The following NPHS1 variants were observed in gnomAD, a reference collection of about 807,000 sequenced individuals.
The protein encoded by NPHS1 is nephrin.
Under a neutral mutation model 139.7 loss-of-function variants are expected in NPHS1, and 107 were observed. The ratio of observed to expected loss-of-function variants is 0.77; its 90% CI spans 0.66 to 0.90. The LOEUF (loss-of-function observed/expected upper bound fraction) is 0.90, where lower values mean the gene tolerates loss of function less well. Among genes scored for constraint, NPHS1 ranks in the 40% least tolerant of loss-of-function variants. The pLI is 0.00. For synonymous variants in NPHS1, 707 were observed against 706.6 expected (o/e 1.00, Z -0.01); for missense variants, 1,580 against 1,654.2 (o/e 0.96, Z 0.78).
rs946483141 is a variant in NPHS1, at chr19:35,825,802, A to G, written c.*712T>C. 3.9e-5 allele frequency among the ~76,000 whole-genome samples: 6 copies of G among 152,232 alleles called. No individual in the cohort carries two copies. The highest frequency in any genetic ancestry group is 5.9e-5 in the Non-Finnish European group (4 of 68,042). ...AATAGGTAGGATGCAACATGGATTC[A>G]TAAATTCCACTTATTATTAGCTATT... On this transcript the variant is annotated 3_prime_UTR_variant, in exon 29 of 29. Transcript: ENST00000378910.
In NPHS1 at chr19:35,839,482, C is replaced by G. The variant is rs371670899; in HGVS notation, c.2927+14G>C. ...TAGCCCATTCCCTTCCCTCCTGCCT[C>G]GACAAGGACCCACCTGATGCAGAAC... On this transcript the variant is annotated intron_variant, in intron 21 of 28. Transcript: ENST00000378910. 1 of 1,613,784 alleles carries G rather than the reference C, an allele frequency of 6.2e-7. No homozygotes were observed. Among genetic ancestry groups the G allele is most frequent in the Non-Finnish European group, 8.5e-7 (1 of 1,179,706 alleles).
intron 24 of NPHS1, 67 bp from the exon 25 acceptor site, chr19:35,831,567 C>T (rs4805141): frequency 0.012 from 18,668 of 1,610,850 alleles, 143 homozygotes; most frequent in Non-Finnish European, 0.013. Flanking sequence ...CCCAGGAAGA[C>T]CTTCAGTATG....
intron 17 of NPHS1, among the ~76,000 whole-genome samples, chr19:35,843,258 C>T (rs1179065627): frequency 6.6e-6 from 1 of 152,216 alleles, no homozygotes; most frequent in Non-Finnish European, 1.5e-5. Flanking sequence ...TTTGACCTAT[C>T]TATCCATCTA....
Position 35,842,419 on chromosome 19 carries a change from C to A in NPHS1, c.2466G>T (p.Val822=). The A allele has an allele frequency of 6.2e-7, 1 of 1,614,162 alleles. No homozygotes were observed. Among genetic ancestry groups the A allele is most frequent in the East Asian group, 2.2e-5 (1 of 44,888 alleles). The change falls in exon 18 of 29, where the codon GTG becomes GTT. Residue 822 remains valine, a synonymous_variant. Transcript: ENST00000378910. ...GGAGCAGCCGTCGTGCTGGAGGCGC[C>A]ACCCCATTGTCCACAATGCACTGGT... ...GAYQCIVDNG[V]APPARRLLRL... is the part of the protein sequence containing the mutation.
In NPHS1 at chr19:35,837,690, C is replaced by T. The variant is rs536859214; in HGVS notation, c.3109+1547G>A. ...CCATCTCTGCTCACTGCAACCTCTG[C>T]CTCCCAGGTTCAAGTGATTCTCTTG... On this transcript the variant is annotated intron_variant, in intron 22 of 28. Transcript: ENST00000378910. Among the ~76,000 whole-genome samples, 9 of 152,070 alleles carry T rather than the reference C, an allele frequency of 5.9e-5. No homozygotes were observed. In the South Asian group the frequency reaches 8.3e-4, roughly 14 times the overall value.
chr19:35,850,260 G>T, intron 5 of NPHS1, 104 bp downstream of exon 5: 1 of 883,850 alleles, frequency 1.1e-6, no homozygotes, highest in Non-Finnish European at 1.9e-6. Context: ...TTGGGTCCCA[G>T]ATGTTCATAC....
At chr19:35,838,808 T>C (rs925510386) in intron 22 of NPHS1, among the ~76,000 whole-genome samples, 2 of 149,220 alleles carry the variant, frequency 1.3e-5, no homozygotes, top group African/African-American at 5.0e-5. Context: ...GATCACACCA[T>C]TGCACTCCAG....
intron 20 of NPHS1, 22 bp downstream of exon 20, chr19:35,841,693 C>A (rs1323317198): frequency 1.2e-6 from 2 of 1,614,064 alleles, no homozygotes; most frequent in African/African-American, 1.3e-5. Context: ...CCCTCCCCAA[C>A]ACCCTCACAG....
At position 35,826,428 on chromosome 19, in the gene NPHS1, C is replaced by G; in HGVS notation, c.*86G>C. ...TCCCTTTGGGTTTTATGGAGCTCACCTAACCAGCTCGGCCCAGGCTGTAAT... is the reference window on the plus strand; with the variant it reads ...TCCCTTTGGGTTTTATGGAGCTCACGTAACCAGCTCGGCCCAGGCTGTAAT... On this transcript the variant is annotated 3_prime_UTR_variant, in exon 29 of 29. Coordinates refer to ENST00000378910, the MANE Select transcript of NPHS1 (RefSeq NM_004646.4). 1.3e-6 allele frequency: 2 copies of G among 1,555,608 alleles called. No individual in the cohort carries two copies.
chr19:35,841,455 A>G (rs1973054548), intron 20 of NPHS1, among the ~76,000 whole-genome samples: 1 of 152,110 alleles, frequency 6.6e-6, no homozygotes. Flanking sequence ...AAACCCCTGA[A>G]AATCTATTTT....
At chr19:35,846,338 C>T (rs970814457) in intron 11 of NPHS1, 144 bp from the exon 12 acceptor site, 3 of 826,218 alleles carry the variant, frequency 3.6e-6, no homozygotes, top group East Asian at 5.4e-5. Flanking sequence ...ATCAGCACCA[C>T]CCCCCTAGGG....
Position 35,852,064 on chromosome 19 carries a change from A to G in NPHS1, c.-227T>C, listed in dbSNP as rs933564398. Among the ~76,000 whole-genome samples the G allele has an allele frequency of 6.6e-6, 1 of 150,630 alleles. No homozygotes were observed. The highest frequency in any genetic ancestry group is 1.5e-5 in the Non-Finnish European group (1 of 67,694). ...CTGAGTCTCTTTCTCTGTCTCTTTAAAAAAACTTTTTTTTCTTTTTTCTTT... is the reference window on the plus strand; with the variant it reads ...CTGAGTCTCTTTCTCTGTCTCTTTAGAAAAACTTTTTTTTCTTTTTTCTTT... On this transcript the variant is annotated 5_prime_UTR_variant, in exon 1 of 29. Coordinates refer to ENST00000378910, the MANE Select transcript of NPHS1 (RefSeq NM_004646.4).
At chr19:35,838,313 G>C (rs902043582) in intron 22 of NPHS1, among the ~76,000 whole-genome samples, 5 of 152,084 alleles carry the variant, frequency 3.3e-5, no homozygotes, top group African/African-American at 4.8e-5. Flanking sequence ...AGCATTTTGG[G>C]AGGCCAAGGC....
rs386833902 is a variant in NPHS1, at chr19:35,844,189, A to C, written c.2126T>G (p.Val709Gly). Reference sequence around the variant, plus strand: ...ATAGAGGCCGTCGTCCGCGCGGGTCACATTCCACAGATGCAGAGCCCCGCT... The same window carrying C: ...ATAGAGGCCGTCGTCCGCGCGGGTCCCATTCCACAGATGCAGAGCCCCGCT... ...LSSGALHLWN[V>G]TRADDGLYQL... Residue 709 changes from valine to glycine, a missense_variant, in exon 16 of 29, where the codon GTG becomes GGG. By Grantham distance (109) the Val-to-Gly change is moderately radical. Transcript: ENST00000378910. 9.3e-6 allele frequency: 15 copies of C among 1,612,164 alleles called. No individual in the cohort carries two copies. The highest frequency in any genetic ancestry group is 1.2e-5 in the Non-Finnish European group (14 of 1,179,986).
intron 20 of NPHS1, 33 bp downstream of exon 20, chr19:35,841,682 C>A (rs754317056): frequency 3.1e-6 from 5 of 1,612,472 alleles, no homozygotes; most frequent in East Asian, 4.5e-5. Context: ...CAGGGAGCAC[C>A]CCCTCCCCAA....
intron 23 of NPHS1, among the ~76,000 whole-genome samples, chr19:35,834,871 A>G (rs1200412588): frequency 6.8e-6 from 1 of 146,940 alleles, no homozygotes; most frequent in African/African-American, 2.5e-5. Flanking sequence ...GGCAACAAAC[A>G]GAGCAAGAAT....
In NPHS1 at chr19:35,849,015, C is replaced by A. The variant is rs376401690; in HGVS notation, c.973G>T (p.Ala325Ser). The change falls in exon 8 of 29, where the codon GCA (alanine) becomes TCA (serine). Residue 325 changes from alanine to serine, a missense_variant. By Grantham distance (99) the Ala-to-Ser change is moderately conservative. Transcript: ENST00000378910. ...LSCEAHNSVS[A>S]GTQEHGITLQ... is the part of the protein sequence containing the mutation. ...GTGATGCCGTGCTCCTGGGTCCCTGCAGACACGCTGTTGTGGGCCTCGCAG... is the reference window on the plus strand; with the variant it reads ...GTGATGCCGTGCTCCTGGGTCCCTGAAGACACGCTGTTGTGGGCCTCGCAG... 2.5e-5 allele frequency: 40 copies of A among 1,612,150 alleles called. No homozygotes were observed. Among genetic ancestry groups the A allele is most frequent in the Non-Finnish European group, 3.1e-5 (36 of 1,180,044 alleles).
Position 35,846,251 on chromosome 19 carries a change from C to T in NPHS1, c.1441-57G>A, listed in dbSNP as rs997497730. 1.2e-4 allele frequency: 184 copies of T among 1,526,474 alleles called. No homozygotes were observed. The African/African-American group carries it at 2.0e-3, about 16-fold the overall frequency. 94.6% of individuals were successfully genotyped at this position (1,526,474 alleles called of 1,614,324 possible). ...CAGCCCTGCCGCTTCCACCAACCCCCAACCCCCCTACCCTGCCCACTGGGT... is the reference window on the plus strand; with the variant it reads ...CAGCCCTGCCGCTTCCACCAACCCCTAACCCCCCTACCCTGCCCACTGGGT... On this transcript the variant is annotated intron_variant, in intron 11 of 28. Coordinates refer to ENST00000378910, the MANE Select transcript of NPHS1 (RefSeq NM_004646.4).
rs752878457 is a variant in NPHS1, at chr19:35,849,317, C to T, written c.759G>A (p.Gly253=). Residue 253 remains glycine, a synonymous_variant, in exon 7 of 29, where the codon GGG becomes GGA. Coordinates refer to ENST00000378910, the MANE Select transcript of NPHS1 (RefSeq NM_004646.4). ...CCAAGCTCTGTCCTGCCCGCACGTG[C>T]CCCTCATCCAGGCCTGGCCACTCGA... ...PVIEWPGLDE[G]HVRAGQSLEL... 1 of 1,612,964 alleles carries T rather than the reference C, an allele frequency of 6.2e-7. No homozygotes were observed. The highest frequency in any genetic ancestry group is 8.5e-7 in the Non-Finnish European group (1 of 1,179,976).
Sources: allele counts gnomAD v4.1 joint callset (sites outside exome capture counted in the v4.1 genomes callset), GRCh38; gene constraint gnomAD v4.1.1; transcripts MANE v1.5; gene names NCBI Gene and HGNC (gene_info 2026-07-23, HGNC 2026-07-21).